LGALS3: variants seen among roughly 807,000 people sequenced by gnomAD.
LGALS3 encodes galectin 3.
A neutral mutation model predicts 20.7 loss-of-function variants in LGALS3; 18 were observed. The ratio of observed to expected loss-of-function variants is 0.87; its 90% CI spans 0.60 to 1.29. LGALS3 has a LOEUF of 1.29. Ranked by LOEUF, LGALS3 falls within the 50% of genes most tolerant of loss-of-function variation. LGALS3 has a pLI of 0.00. For missense variants in LGALS3, 315 were observed against 314.7 expected (o/e 1.00, Z -0.01); for synonymous variants, 112 against 119.6 (o/e 0.94, Z 0.42).
At chr14:55,136,578 AG>A (rs1459023758) in intron 1 of LGALS3, among the ~76,000 whole-genome samples, 2 of 152,120 alleles carry the variant, frequency 1.3e-5, no homozygotes, top group Non-Finnish European at 2.9e-5. Context: ...GGCATACGTT[AG>A]ATGTTTTGAC....
rs1881657251 is a variant in LGALS3 at position 55,142,478 on chromosome 14, G to T, written c.432-106G>T. ...CTTTCCATTCAGAAAAATTTCCTAG[G>T]TACTGTATTATGAAATTATTTGCTT... On this transcript the variant is annotated intron_variant, in intron 4 of 5. Coordinates refer to ENST00000254301, the MANE Select transcript of LGALS3 (RefSeq NM_002306.4). 4.7e-6 allele frequency: 4 copies of T among 846,162 alleles called. No individual in the cohort carries two copies. In the South Asian group the frequency reaches 8.1e-5, roughly 17 times the overall value. The allele number at this position is 846,162 out of a possible 1,614,324, so 52.4% of individuals were successfully genotyped here.
In LGALS3 at chr14:55,137,390, CG is replaced by C. The variant is rs1881436539; in HGVS notation, c.18+1del. 3 of 1,614,000 alleles carry C rather than the reference CG, an allele frequency of 1.9e-6. No homozygotes were observed. The African/African-American group carries it at 4.0e-5, about 22-fold the overall frequency. ...TTCAGGAAAATGGCAGACAATTTTT[CG>C]GTAAGTGTTTTATGCCTGTTTCTTC... is the stretch of plus-strand genomic sequence containing the variant. Reference protein sequence around the residue: MADNFSLHDALSGSGN... With the variant: MADNFXLHDALSGSGN... On this transcript the variant is annotated frameshift_variant and splice_region_variant, in exon 2 of 6. Coordinates refer to ENST00000254301, the MANE Select transcript of LGALS3 (RefSeq NM_002306.4). LOFTEE classifies it high-confidence loss of function.
intron 2 of LGALS3, 29 bp from the exon 3 acceptor site, chr14:55,138,016 C>T (rs1881464919): frequency 1.4e-6 from 2 of 1,477,548 alleles, no homozygotes; most frequent in East Asian, 2.3e-5. Flanking sequence ...TGCTTTCTGT[C>T]CCGTAATTGT....
At chr14:55,131,544 T>G (rs758049341) in intron 1 of LGALS3, among the ~76,000 whole-genome samples, 2 of 152,242 alleles carry the variant, frequency 1.3e-5, no homozygotes, top group African/African-American at 2.4e-5. Flanking sequence ...TTGTGGTAAC[T>G]GATCTCAAAC....
intron 1 of LGALS3, among the ~76,000 whole-genome samples, chr14:55,134,414 C>T (rs1028473325): frequency 2.0e-5 from 3 of 152,100 alleles, no homozygotes; most frequent in East Asian, 3.8e-4. Context: ...ATGTTGATAA[C>T]GTTATTGCTG....
chr14:55,138,294 C>G lies in LGALS3; in HGVS notation c.268C>G (p.Pro90Ala), dbSNP rs1212950123. 2 of 1,612,764 alleles carry G rather than the reference C, an allele frequency of 1.2e-6. No homozygotes were observed. The highest frequency in any genetic ancestry group is 1.7e-5 in the Admixed American group (1 of 59,990). ...GCCACCCAGCGGCCCTGGGGCCTAC[C>G]CATCTTCTGGACAGCCAAGTGCCAC... Reference protein sequence around the residue: ...PGPPSGPGAYPSSGQPSATGA... With the variant: ...PGPPSGPGAYASSGQPSATGA... Residue 90 changes from proline (P) to alanine (A), a missense_variant, in exon 3 of 6, where the codon CCA (proline) becomes GCA (alanine). Pro to Ala is a conservative substitution (Grantham distance 27, BLOSUM62 -1). Transcript: ENST00000254301.
intron 1 of LGALS3, among the ~76,000 whole-genome samples, chr14:55,130,753 T>TGGG (rs752557592): frequency 4.9e-4 from 30 of 60,880 alleles, no homozygotes; most frequent in East Asian, 1.1e-3. Flanking sequence ...GTGGTGGTGG[T>TGGG]GGGGGGGGGG....
At chr14:55,136,655 G>A (rs1464666334) in intron 1 of LGALS3, among the ~76,000 whole-genome samples, 2 of 152,144 alleles carry the variant, frequency 1.3e-5, no homozygotes, top group East Asian at 3.9e-4. Flanking sequence ...ATTTATTTGT[G>A]TTACAAACAA....
rs377694711 is a variant in LGALS3 at position 55,138,038 on chromosome 14, T to A, written c.19-7T>A. 1.5e-5 allele frequency: 23 copies of A among 1,494,044 alleles called. No individual in the cohort carries two copies. Among genetic ancestry groups the A allele is most frequent in the Admixed American group, 4.7e-5 (2 of 42,296 alleles). The allele number at this position is 1,494,044 out of a possible 1,614,324, so 92.5% of individuals were successfully genotyped here. A position where few individuals can be genotyped will look rare whatever the true frequency, so the allele number is the denominator to read the frequency against. ...TGTCCCGTAATTGTGTATGTCTTTC[T>A]TTCCAGCTCCATGATGCGTTATCTG... is the stretch of plus-strand genomic sequence containing the variant. On this transcript the variant is annotated splice_region_variant and splice_polypyrimidine_tract_variant and intron_variant, in intron 2 of 5. Coordinates refer to ENST00000254301, the MANE Select transcript of LGALS3 (RefSeq NM_002306.4).
chr14:55,132,085 C>T (rs1324898719), intron 1 of LGALS3, among the ~76,000 whole-genome samples: 1 of 152,192 alleles, frequency 6.6e-6, no homozygotes, highest in Admixed American at 6.5e-5. Context: ...ACCCAGACAA[C>T]TGGACTGATT....
chr14:55,143,440 C>A, intron 5 of LGALS3: 2 of 320,710 alleles, frequency 6.2e-6, no homozygotes, highest in East Asian at 1.3e-4. Flanking sequence ...TTTTTTTTTT[C>A]GAGACAGAGT....
intron 1 of LGALS3, among the ~76,000 whole-genome samples, chr14:55,130,411 C>T (rs999421031): frequency 2.0e-5 from 3 of 152,146 alleles, no homozygotes; most frequent in Non-Finnish European, 2.9e-5. Context: ...ACCTCAGTGA[C>T]TCAGGCTGTC....
At chr14:55,141,273 AT>A (rs1881612847) in intron 4 of LGALS3, among the ~76,000 whole-genome samples, 1 of 152,138 alleles carries the variant, frequency 6.6e-6, no homozygotes, top group Admixed American at 6.5e-5. Context: ...AGCCTAGACA[AT>A]TTCTGTAAGC....
chr14:55,134,336 T>C (rs1425907617), intron 1 of LGALS3, among the ~76,000 whole-genome samples: 5 of 152,202 alleles, frequency 3.3e-5, no homozygotes, highest in Non-Finnish European at 7.3e-5. Flanking sequence ...GCATCTGACC[T>C]GAAGTGTCAG....
In LGALS3 at chr14:55,145,109, A is replaced by C. The variant is rs751779781; in HGVS notation, c.598-7A>C. On this transcript the variant is annotated splice_region_variant and splice_polypyrimidine_tract_variant and intron_variant, in intron 5 of 5. Coordinates refer to ENST00000254301, the MANE Select transcript of LGALS3 (RefSeq NM_002306.4). ...TCATGTAACAGTTTATGTATATGCCATTTCAGATACAAGTACTGGTTGAAC... is the reference window on the plus strand; with the variant it reads ...TCATGTAACAGTTTATGTATATGCCCTTTCAGATACAAGTACTGGTTGAAC... 6.2e-7 allele frequency: 1 copy of C among 1,612,046 alleles called. No individual in the cohort carries two copies. Among genetic ancestry groups the C allele is most frequent in the East Asian group, 2.2e-5 (1 of 44,860 alleles).
intron 1 of LGALS3, among the ~76,000 whole-genome samples, chr14:55,135,568 T>G (rs906835769): frequency 1.4e-5 from 2 of 142,274 alleles, no homozygotes; most frequent in Non-Finnish European, 3.1e-5. Flanking sequence ...TGGTTTTTTT[T>G]TTTTTTTTTT....
intron 5 of LGALS3, 61 bp from the exon 6 acceptor site, chr14:55,145,055 G>A: frequency 1.5e-6 from 2 of 1,337,262 alleles, no homozygotes; most frequent in Non-Finnish European, 1.1e-6. Flanking sequence ...ATTGTGGAAT[G>A]CCTAAATCCA....
chr14:55,133,836 T>C (rs1209462887), intron 1 of LGALS3, among the ~76,000 whole-genome samples: 2 of 152,246 alleles, frequency 1.3e-5, no homozygotes, highest in Non-Finnish European at 2.9e-5. Context: ...CCTTCTTTAT[T>C]TGACTTTCTG....
chr14:55,137,603 TCA>T (rs1218174223), intron 2 of LGALS3: 2 of 1,460,492 alleles, frequency 1.4e-6, no homozygotes, highest in African/African-American at 2.8e-5. Context: ...TGGGACTCAC[TCA>T]CAGTAACCCT....
Sources: allele counts gnomAD v4.1 joint callset (sites outside exome capture counted in the v4.1 genomes callset), GRCh38; gene constraint gnomAD v4.1.1; transcripts MANE v1.5; gene names NCBI Gene and HGNC (gene_info 2026-07-23, HGNC 2026-07-21).